The following CNTNAP2 variants were observed in gnomAD, a reference collection of about 807,000 sequenced individuals.
CNTNAP2 encodes the protein contactin associated protein 2, also known as contactin-associated protein-like 2.
CNTNAP2 carries 98 observed loss-of-function variants against 155.2 expected under a neutral mutation model. The ratio of observed to expected loss-of-function variants is 0.63; its 90% confidence interval spans 0.54 to 0.75. CNTNAP2 has a LOEUF of 0.75. Among genes scored for constraint, CNTNAP2 ranks in the 30% least tolerant of loss-of-function variants. CNTNAP2 has a pLI of 0.00. For synonymous variants in CNTNAP2, 651 were observed against 631.2 expected (o/e 1.03, Z -0.47); for missense variants, 1,727 against 1,688.1 (o/e 1.02, Z -0.40).
At chr7:147,784,493 TAATATATATA>T (rs1797705087) in intron 13 of CNTNAP2, among the ~76,000 whole-genome samples, 3 of 48,100 alleles carry the variant, frequency 6.2e-5, no homozygotes, top group African/African-American at 1.4e-4. Context: ...GGCTCTGGAC[TAATATATATA>T]TATATATATA....
intron 22 of CNTNAP2, among the ~76,000 whole-genome samples, chr7:148,386,604 G>T (rs988390249): frequency 4.6e-5 from 7 of 152,174 alleles, no homozygotes; most frequent in East Asian, 1.9e-4. Flanking sequence ...ATAGGAACAT[G>T]AGAGACAATG....
At chr7:148,215,438 T>A (rs182043819) in intron 18 of CNTNAP2, among the ~76,000 whole-genome samples, 1 of 152,272 alleles carries the variant, frequency 6.6e-6, no homozygotes, top group African/African-American at 2.4e-5. Context: ...TTGTGCTTTT[T>A]GCAGAGTCTC....
chr7:147,755,048 G>A lies in CNTNAP2; in HGVS notation c.2098+115742G>A, dbSNP rs147145314. On this transcript the variant is annotated intron_variant, in intron 13 of 23. Coordinates refer to ENST00000361727, the MANE Select transcript of CNTNAP2 (RefSeq NM_014141.6). ...CTGAGATCTTTACATAAAATTCAAG[G>A]TTGTAAACTCTAAATAGATGCCTAC... is the stretch of plus-strand genomic sequence containing the variant. Among the ~76,000 whole-genome samples, 547 of 152,214 alleles carry A rather than the reference G, an allele frequency of 3.6e-3. 2 individuals carry two copies. The highest frequency in any genetic ancestry group is 4.9e-3 in the Non-Finnish European group (335 of 68,026).
rs1202642356 is a variant in CNTNAP2 at position 148,383,664 on chromosome 7, A to G, written c.3491A>G (p.Asp1164Gly). The G allele has an allele frequency of 6.2e-7, 1 of 1,614,242 alleles. No homozygotes were observed. Among genetic ancestry groups the G allele is most frequent in the Non-Finnish European group, 8.5e-7 (1 of 1,180,050 alleles). ...LGKVIETGKI[D>G]QEIHKYNTPG... ...TTTCTTTTAGAAACAGGGAAAATTG[A>G]CCAAGAGATTCACAAATACAACACC... Residue 1164 changes from aspartate (D) to glycine (G), a missense_variant, in exon 22 of 24, where the codon GAC (aspartate) becomes GGC (glycine). By Grantham distance (94) the Asp-to-Gly change is moderately conservative (BLOSUM62 -1). Transcript: ENST00000361727.
At chr7:147,542,991 C>A (rs1295472579) in intron 11 of CNTNAP2, among the ~76,000 whole-genome samples, 1 of 152,124 alleles carries the variant, frequency 6.6e-6, no homozygotes, top group Non-Finnish European at 1.5e-5. Flanking sequence ...GCTGGGGAGA[C>A]CCTAACCCAG....
At chr7:147,741,566 T>C (rs1796957625) in intron 13 of CNTNAP2, among the ~76,000 whole-genome samples, 3 of 152,224 alleles carry the variant, frequency 2.0e-5, no homozygotes, top group Admixed American at 2.0e-4. Context: ...TCAGGAAACC[T>C]TTGACTCATG....
At chr7:146,232,619 T>G (rs1446119400) in intron 1 of CNTNAP2, among the ~76,000 whole-genome samples, 1 of 152,142 alleles carries the variant, frequency 6.6e-6, no homozygotes, top group Non-Finnish European at 1.5e-5. Flanking sequence ...ACATTCTGCA[T>G]TATTTATATT....
At chr7:147,305,734 G>C (rs2116781942) in intron 9 of CNTNAP2, among the ~76,000 whole-genome samples, 1 of 152,240 alleles carries the variant, frequency 6.6e-6, no homozygotes, top group South Asian at 2.1e-4. Context: ...GATTTTCTAG[G>C]GATGCCGTAT....
chr7:148,056,604 C>T (rs567395475), intron 15 of CNTNAP2: 1 of 152,344 alleles, frequency 6.6e-6, no homozygotes, highest in African/African-American at 2.4e-5. Context: ...AACATGCTCA[C>T]TGAGCATATG....
At chr7:146,415,878 G>A (rs1795931325) in intron 1 of CNTNAP2, among the ~76,000 whole-genome samples, 1 of 151,922 alleles carries the variant, frequency 6.6e-6, no homozygotes, top group African/African-American at 2.4e-5. Context: ...AATATAAATG[G>A]TCTTTCAGTT....
At chr7:148,352,495 C>A (rs375686806) in intron 21 of CNTNAP2, among the ~76,000 whole-genome samples, 1 of 152,194 alleles carries the variant, frequency 6.6e-6, no homozygotes, top group Admixed American at 6.5e-5. Flanking sequence ...AAAAGATAGA[C>A]GTGAAACCAG....
chr7:146,321,618 T>C (rs1306271330), intron 1 of CNTNAP2, among the ~76,000 whole-genome samples: 1 of 152,172 alleles, frequency 6.6e-6, no homozygotes, highest in African/African-American at 2.4e-5. Context: ...GAATGGAGTG[T>C]GGAATGCAGA....
At chr7:146,336,784 A>T (rs1308166266) in intron 1 of CNTNAP2, among the ~76,000 whole-genome samples, 1 of 152,184 alleles carries the variant, frequency 6.6e-6, no homozygotes, top group Non-Finnish European at 1.5e-5. Flanking sequence ...AAGAAGAACA[A>T]CAAAAGTGTT....
intron 14 of CNTNAP2, among the ~76,000 whole-genome samples, chr7:147,942,579 G>C (rs2116817171): frequency 6.6e-6 from 1 of 152,264 alleles, no homozygotes; most frequent in South Asian, 2.1e-4. Flanking sequence ...GCAGTGAATA[G>C]CACTGCTCAA....
chr7:146,929,498 G>A (rs892427938), intron 3 of CNTNAP2, among the ~76,000 whole-genome samples: 2 of 152,148 alleles, frequency 1.3e-5, no homozygotes, highest in East Asian at 1.9e-4. Flanking sequence ...AAAAAACAGA[G>A]CAGAAAAACT....
intron 9 of CNTNAP2, among the ~76,000 whole-genome samples, chr7:147,328,399 A>C (rs76991158): frequency 0.015 from 2,350 of 152,314 alleles, 57 homozygotes; most frequent in African/African-American, 0.053. Context: ...CATTTGTTTG[A>C]GTGTCCAGGT....
chr7:148,033,338 T>C (rs1585088504), intron 15 of CNTNAP2, among the ~76,000 whole-genome samples: 1 of 142,120 alleles, frequency 7.0e-6, no homozygotes, highest in Non-Finnish European at 1.5e-5. Flanking sequence ...ACCCTTAAGA[T>C]CCTTTTTTTT....
At chr7:146,527,386 C>CAA (rs1330584051) in intron 1 of CNTNAP2, among the ~76,000 whole-genome samples, 1 of 152,042 alleles carries the variant, frequency 6.6e-6, no homozygotes, top group Non-Finnish European at 1.5e-5. Flanking sequence ...TTGTATTAGG[C>CAA]ATTTTCTCAT....
chr7:147,410,831 A>G (rs1297998129), intron 10 of CNTNAP2, among the ~76,000 whole-genome samples: 1 of 152,154 alleles, frequency 6.6e-6, no homozygotes, highest in African/African-American at 2.4e-5. Flanking sequence ...TGTCACCTCC[A>G]TAAGATTTTA....
Sources: gnomAD v4.1 joint callset for allele counts (sites outside exome capture counted in the v4.1 genomes callset) on GRCh38, gnomAD v4.1.1 for gene constraint, MANE v1.5 for transcripts, NCBI Gene and HGNC (gene_info 2026-07-23, HGNC 2026-07-21) for gene names.